C3orf33: variants seen among roughly 807,000 people sequenced by gnomAD.
C3orf33 encodes the protein mitochondrial inner membrane subdomain organizer 1, also known as AP-1 activity suppressor.
In C3orf33, 23 loss-of-function variants were observed where a neutral mutation model predicts 28.7. That is an observed-to-expected ratio of 0.80 (90% CI 0.58 to 1.13). The LOEUF is 1.13. C3orf33 is among the 50% of genes most tolerant of loss of function. C3orf33 has a pLI of 0.00. For synonymous variants in C3orf33, 119 were observed against 120.5 expected (o/e 0.99, Z 0.08); for missense variants, 327 against 353.4 (o/e 0.93, Z 0.60).
chr3:155,781,337 T>C (rs1750917872), intron 2 of C3orf33, among the ~76,000 whole-genome samples: 1 of 152,154 alleles, frequency 6.6e-6, no homozygotes, highest in Non-Finnish European at 1.5e-5. Context: ...GGGTTTCTCT[T>C]ACTTGCAGCC....
intron 2 of C3orf33, among the ~76,000 whole-genome samples, chr3:155,779,676 C>G (rs1246128627): frequency 6.6e-6 from 1 of 152,046 alleles, no homozygotes; most frequent in Non-Finnish European, 1.5e-5. Context: ...CACCTGGAAA[C>G]CATATCACCC....
intron 2 of C3orf33, among the ~76,000 whole-genome samples, chr3:155,781,287 GAAA>G (rs1218029113): frequency 2.6e-5 from 4 of 151,924 alleles, no homozygotes; most frequent in Non-Finnish European, 5.9e-5. Context: ...TATGACTTGA[GAAA>G]AATAAACCCC....
rs1750306604 is a variant in C3orf33, at chr3:155,763,673, T to C, written c.729A>G (p.Leu243=). The part of the protein sequence containing the change: ...WREIWKKDSF[L]KTTGSDFSLK... ...AGCTGAAATCTGATCCTGTTGTTTT[T>C]AAAAAACTGTCCTTTTTCCATATTT... Residue 243 remains leucine, a synonymous_variant, in exon 5 of 5, where the codon TTA becomes TTG. Transcript: ENST00000340171. The C allele has an allele frequency of 1.3e-6, 2 of 1,595,050 alleles. No homozygotes were observed. The highest frequency in any genetic ancestry group is 8.5e-7 in the Non-Finnish European group (1 of 1,175,574).
At chr3:155,794,550 A>G (rs748871387) in intron 2 of C3orf33, among the ~76,000 whole-genome samples, 1 of 152,126 alleles carries the variant, frequency 6.6e-6, no homozygotes, top group Non-Finnish European at 1.5e-5. Flanking sequence ...AATAATAACA[A>G]TGTAAATGAA....
At chr3:155,792,473 C>CA (rs1311781243) in intron 2 of C3orf33, among the ~76,000 whole-genome samples, 3 of 151,364 alleles carry the variant, frequency 2.0e-5, no homozygotes, top group Non-Finnish European at 2.9e-5. Context: ...ATGACCTCAC[C>CA]AAAAAAAACT....
rs571680741 is a variant in C3orf33 at position 155,767,646 on chromosome 3, C to T, written c.346G>A (p.Val116Ile). The part of the protein sequence containing the change: ...LRKEPRGALL[V>I]KLAGVELAET... Reference sequence around the variant, plus strand: ...GCGAGTTCTACTCCAGCCAACTTAACCAGCAAAGCACCACGTGGCTCTTCT... The same window carrying T: ...GCGAGTTCTACTCCAGCCAACTTAATCAGCAAAGCACCACGTGGCTCTTCT... The change falls in exon 4 of 5, where the codon GTT becomes ATT. Residue 116 changes from valine to isoleucine, a missense_variant. Transcript: ENST00000340171. 109 of 1,574,624 alleles carry T rather than the reference C, an allele frequency of 6.9e-5. No individual in the cohort carries two copies. The East Asian group carries it at 2.3e-3, about 34-fold the overall frequency.
chr3:155,770,494 T>C (rs549967439), intron 3 of C3orf33, among the ~76,000 whole-genome samples: 1 of 152,344 alleles, frequency 6.6e-6, no homozygotes, highest in Non-Finnish European at 1.5e-5. Flanking sequence ...ATTAATCTAA[T>C]GAAACACTAT....
At chr3:155,786,205 T>G (rs1276599183) in intron 2 of C3orf33, among the ~76,000 whole-genome samples, 1 of 150,924 alleles carries the variant, frequency 6.6e-6, no homozygotes, top group Non-Finnish European at 1.5e-5. Flanking sequence ...ACTTTATAAT[T>G]TAAGGAAATG....
chr3:155,795,178 G>T (rs572464089), intron 2 of C3orf33, among the ~76,000 whole-genome samples: 3 of 152,156 alleles, frequency 2.0e-5, no homozygotes, highest in African/African-American at 4.8e-5. Flanking sequence ...ATTTCAAGCC[G>T]TGTGCGGTGG....
At chr3:155,776,759 CAAAAA>C (rs10654812) in intron 2 of C3orf33, among the ~76,000 whole-genome samples, 14 of 86,918 alleles carry the variant, frequency 1.6e-4, no homozygotes, top group African/African-American at 4.6e-4. Flanking sequence ...CTGACTCTGT[CAAAAA>C]AAAAAAAAAA....
chr3:155,764,472 T>C (rs1426253681), intron 4 of C3orf33, among the ~76,000 whole-genome samples: 2 of 152,078 alleles, frequency 1.3e-5, no homozygotes, highest in African/African-American at 2.4e-5. Flanking sequence ...TGAGTCTTCA[T>C]CCTACAGGAA....
chr3:155,795,362 A>T (rs1355077660), intron 2 of C3orf33, among the ~76,000 whole-genome samples: 1 of 152,156 alleles, frequency 6.6e-6, no homozygotes, highest in East Asian at 1.9e-4. Flanking sequence ...AGGCTGAGGC[A>T]GGAAAATTGC....
At chr3:155,768,977 A>T (rs907962997) in intron 3 of C3orf33, among the ~76,000 whole-genome samples, 2 of 152,172 alleles carry the variant, frequency 1.3e-5, no homozygotes, top group African/African-American at 4.8e-5. Context: ...GGAGTTCAAG[A>T]TCAGTCTGGC....
chr3:155,767,368 T>C (rs1750442167), intron 4 of C3orf33, 141 bp downstream of exon 4: 1 of 438,134 alleles, frequency 2.3e-6, no homozygotes, highest in East Asian at 3.5e-5. Context: ...AAGACACCTA[T>C]GCATAATCAC....
chr3:155,763,323 T>C lies in C3orf33; in HGVS notation c.*194A>G. 1 of 405,404 alleles carries C rather than the reference T, an allele frequency of 2.5e-6. No homozygotes were observed. Among genetic ancestry groups the C allele is most frequent in the Non-Finnish European group, 4.2e-6 (1 of 236,616 alleles). 25.1% of individuals were successfully genotyped at this position (405,404 alleles called of 1,614,324 possible). ...GTGTTTCATCCTTCCTAAAATCATA[T>C]TACATTAATTATAATTTGTTTAAAT... On this transcript the variant is annotated 3_prime_UTR_variant, in exon 5 of 5. Coordinates refer to ENST00000340171, the MANE Select transcript of C3orf33 (RefSeq NM_001308229.2).
chr3:155,797,435 T>C (rs1330235701), intron 2 of C3orf33, among the ~76,000 whole-genome samples: 1 of 152,190 alleles, frequency 6.6e-6, no homozygotes, highest in East Asian at 1.9e-4. Context: ...TTATTCAATA[T>C]AGTATTAGAA....
At chr3:155,776,680 C>T (rs1054610488) in intron 2 of C3orf33, among the ~76,000 whole-genome samples, 3 of 140,558 alleles carry the variant, frequency 2.1e-5, no homozygotes, top group Non-Finnish European at 3.0e-5. Context: ...CACTTGAGCC[C>T]AGGAGTTTAA....
At chr3:155,802,937 A>ACTCTACTG (rs1751694159) in intron 1 of C3orf33, among the ~76,000 whole-genome samples, 1 of 152,000 alleles carries the variant, frequency 6.6e-6, no homozygotes, top group African/African-American at 2.4e-5. Flanking sequence ...ATAGTATTGG[A>ACTCTACTG]TTGTTCTCTA....
At chr3:155,803,438 G>A (rs1751711882) in intron 1 of C3orf33, among the ~76,000 whole-genome samples, 2 of 150,942 alleles carry the variant, frequency 1.3e-5, no homozygotes, top group Admixed American at 1.3e-4. Context: ...GGTGGTGGGC[G>A]CCTGTAGTCC....
Sources: gnomAD v4.1 joint callset for allele counts (sites outside exome capture counted in the v4.1 genomes callset) on GRCh38, gnomAD v4.1.1 for gene constraint, MANE v1.5 for transcripts, NCBI Gene and HGNC (gene_info 2026-07-23, HGNC 2026-07-21) for gene names.